Variants in SHISA9 observed in about 807,000 individuals in gnomAD.
SHISA9 encodes protein shisa-9.
SHISA9 carries 13 observed loss-of-function variants against 38.0 expected under a neutral mutation model. The ratio of observed to expected loss-of-function variants is 0.34; its 90% confidence interval spans 0.22 to 0.54. The LOEUF is 0.54. SHISA9 is among the 20% of genes least tolerant of loss of function. The pLI, the probability that SHISA9 is intolerant of heterozygous loss-of-function variation, is 0.91. For missense variants in SHISA9, 538 were observed against 575.8 expected (o/e 0.93, Z 0.67); for synonymous variants, 275 against 242.0 (o/e 1.14, Z -1.27).
chr16:13,190,990 C>T (rs529557678), intron 2 of SHISA9, among the ~76,000 whole-genome samples: 157 of 152,010 alleles, frequency 1.0e-3, no homozygotes, highest in African/African-American at 3.6e-3. Context: ...TCTACATAAA[C>T]CTTTTCTGAT....
intron 2 of SHISA9, among the ~76,000 whole-genome samples, chr16:12,929,906 G>A (rs1442268188): frequency 6.6e-6 from 1 of 152,148 alleles, no homozygotes; most frequent in African/African-American, 2.4e-5. Context: ...CCAGATCTTT[G>A]CAATGCTGGC....
chr16:13,236,639 C>G lies in SHISA9; in HGVS notation c.*1230C>G, dbSNP rs1357078144. 1 of 152,258 alleles carries G rather than the reference C, an allele frequency of 6.6e-6. No individual in the cohort carries two copies. Among genetic ancestry groups the G allele is most frequent in the African/African-American group, 2.4e-5 (1 of 41,448 alleles). 9.4% of individuals were successfully genotyped at this position (152,258 alleles called of 1,614,324 possible). A position where few individuals can be genotyped will look rare whatever the true frequency, so the allele number is the denominator to read the frequency against. On this transcript the variant is annotated 3_prime_UTR_variant, in exon 5 of 5. Coordinates refer to ENST00000558583, the MANE Select transcript of SHISA9 (RefSeq NM_001145204.3). ...TGTTCTTTTAGCCTTCCTTCCTCTT[C>G]TTTTTCTGCAGTAGTAGAAGATGTT...
At chr16:12,974,159 C>T (rs1278158484) in intron 2 of SHISA9, among the ~76,000 whole-genome samples, 2 of 152,068 alleles carry the variant, frequency 1.3e-5, no homozygotes, top group African/African-American at 2.4e-5. Flanking sequence ...GCAATGAAGT[C>T]CTATCTAGCG....
chr16:13,030,459 T>A (rs1409307174), intron 2 of SHISA9, among the ~76,000 whole-genome samples: 1 of 152,206 alleles, frequency 6.6e-6, no homozygotes, highest in Non-Finnish European at 1.5e-5. Context: ...TGCAGTAACA[T>A]GCCCATTAAT....
intron 2 of SHISA9, among the ~76,000 whole-genome samples, chr16:13,173,154 C>CGCGT (rs1491248003): frequency 3.7e-5 from 3 of 80,702 alleles, no homozygotes; most frequent in Non-Finnish European, 6.3e-5. Context: ...TGCACGTGCG[C>CGCGT]ACACACACAC....
intron 2 of SHISA9, among the ~76,000 whole-genome samples, chr16:12,934,427 A>G (rs1316579354): frequency 6.6e-6 from 1 of 152,232 alleles, no homozygotes; most frequent in Non-Finnish European, 1.5e-5. Flanking sequence ...AATATATGCA[A>G]TAAAGCCATT....
chr16:13,474,936 G>A, the SHISA9 span, among the ~76,000 whole-genome samples: 40,437 of 152,050 alleles, frequency 0.27, 5,725 homozygotes, highest in African/African-American at 0.36. Flanking sequence ...TACTGGTAGG[G>A]GGACAGTCAT....
At chr16:13,184,474 A>T (rs1034023625) in intron 2 of SHISA9, among the ~76,000 whole-genome samples, 13 of 152,196 alleles carry the variant, frequency 8.5e-5, no homozygotes, top group African/African-American at 3.1e-4. Flanking sequence ...TTTTAAATTT[A>T]CTTTATGATT....
At chr16:13,269,166 T>G in the SHISA9 span, among the ~76,000 whole-genome samples, 1 of 152,194 alleles carries the variant, frequency 6.6e-6, no homozygotes, top group Non-Finnish European at 1.5e-5. Flanking sequence ...GAGAATAAGC[T>G]TGTCAATGTT....
At chr16:13,328,373 C>T in the SHISA9 span, among the ~76,000 whole-genome samples, 2 of 151,984 alleles carry the variant, frequency 1.3e-5, no homozygotes, top group African/African-American at 2.4e-5. Flanking sequence ...TTTGAACCTC[C>T]CCATGTTAGC....
chr16:12,986,061 C>G (rs1235804601), intron 2 of SHISA9, among the ~76,000 whole-genome samples: 4 of 152,274 alleles, frequency 2.6e-5, no homozygotes, highest in Non-Finnish European at 4.4e-5. Context: ...TCAGGGCTTC[C>G]TTCCTTTCTA....
intron 2 of SHISA9, among the ~76,000 whole-genome samples, chr16:13,093,630 C>T (rs1250117580): frequency 6.6e-6 from 1 of 152,082 alleles, no homozygotes; most frequent in Non-Finnish European, 1.5e-5. Flanking sequence ...TCTCGTTTCC[C>T]TTTAGTAACT....
At chr16:13,513,107 C>T in the SHISA9 span, among the ~76,000 whole-genome samples, 2 of 152,170 alleles carry the variant, frequency 1.3e-5, no homozygotes, top group African/African-American at 2.4e-5. Flanking sequence ...GCAATATACC[C>T]ATCTGACAAA....
the SHISA9 span, among the ~76,000 whole-genome samples, chr16:13,429,445 C>A: frequency 1.3e-5 from 2 of 152,144 alleles, no homozygotes; most frequent in African/African-American, 4.8e-5. Context: ...CTCTGCCTTC[C>A]TCTTCACATA....
the SHISA9 span, among the ~76,000 whole-genome samples, chr16:13,362,907 C>G: frequency 6.6e-6 from 1 of 152,176 alleles, no homozygotes; most frequent in Non-Finnish European, 1.5e-5. Flanking sequence ...GGATTCCTCT[C>G]AACAAAAACA....
intron 2 of SHISA9, among the ~76,000 whole-genome samples, chr16:12,947,660 T>A (rs2071704742): frequency 6.6e-6 from 1 of 152,124 alleles, no homozygotes. Flanking sequence ...CAAAGGAGAA[T>A]TCAGTTTTAA....
the SHISA9 span, among the ~76,000 whole-genome samples, chr16:13,513,585 C>A: frequency 6.6e-6 from 1 of 152,132 alleles, no homozygotes; most frequent in African/African-American, 2.4e-5. Context: ...TGGAACCAAC[C>A]CAAATGCCCA....
intron 3 of SHISA9, 50 bp from the exon 4 acceptor site, chr16:13,213,203 G>C: frequency 6.6e-7 from 1 of 1,518,518 alleles, no homozygotes; most frequent in Non-Finnish European, 9.0e-7. Context: ...TAGTGAACAT[G>C]GGTGCCCTGC....
chr16:13,395,415 G>C, the SHISA9 span, among the ~76,000 whole-genome samples: 1 of 152,224 alleles, frequency 6.6e-6, no homozygotes, highest in African/African-American at 2.4e-5. Context: ...CACAGCATAA[G>C]TCCTCTGCTC....
Sources: gnomAD v4.1 joint callset for allele counts (sites outside exome capture counted in the v4.1 genomes callset) on GRCh38, gnomAD v4.1.1 for gene constraint, MANE v1.5 for transcripts, NCBI Gene and HGNC (gene_info 2026-07-23, HGNC 2026-07-21) for gene names.